Variants in ZFP69 observed in about 807,000 individuals in gnomAD.
The protein encoded by ZFP69 is zinc finger protein 69 homolog.
ZFP69 carries 35 observed loss-of-function variants against 48.9 expected under a neutral mutation model. That is an observed-to-expected ratio of 0.72 (90% CI 0.55 to 0.95). The LOEUF (loss-of-function observed/expected upper bound fraction) is 0.95, where lower values mean the gene tolerates loss of function less well. Ranked by LOEUF, ZFP69 falls within the 40% of genes least tolerant of loss-of-function variation. The pLI is 0.00. For synonymous variants in ZFP69, 193 were observed against 216.8 expected, an observed-to-expected ratio of 0.89 and a Z score of 0.96; for missense variants, 557 against 638.4, an observed-to-expected ratio of 0.87 and a Z score of 1.37.
chr1:40,495,234 C>G lies in ZFP69; in HGVS notation c.756C>G (p.Asn252Lys). 1 of 1,614,028 alleles carries G rather than the reference C, an allele frequency of 6.2e-7. No homozygotes were observed. The highest frequency in any genetic ancestry group is 8.5e-7 in the Non-Finnish European group (1 of 1,180,016). ...HHKYDTPTKR[N>K]TYKLDLINHP... ...AATATGATACACCTACAAAGCGGAA[C>G]ACATACAAATTAGATTTGATTAATC... Residue 252 changes from asparagine (N) to lysine (K), a missense_variant, in exon 6 of 6, where the codon AAC becomes AAG. Coordinates refer to ENST00000372706, the MANE Select transcript of ZFP69 (RefSeq NM_001320179.2).
Position 40,495,795 on chromosome 1 carries a change from C to T in ZFP69, c.1317C>T (p.Tyr439=), listed in dbSNP as rs1184899714. The change falls in exon 6 of 6, where the codon TAC becomes TAT. Residue 439 remains tyrosine, a synonymous_variant. Transcript: ENST00000372706. ...GAATCCATACTGGGGAGAGACCCTA[C>T]AAATGTAAAGAATGTGGAAAAGCCT... is the stretch of plus-strand genomic sequence containing the variant. ...HQRIHTGERP[Y]KCKECGKAFR... is the part of the protein sequence containing the mutation. The T allele has an allele frequency of 1.2e-6, 2 of 1,614,164 alleles. No homozygotes were observed. The highest frequency in any genetic ancestry group is 1.7e-6 in the Non-Finnish European group (2 of 1,180,010).
In ZFP69 at chr1:40,495,822, T is replaced by A; in HGVS notation, c.1344T>A (p.Phe448Leu). ...AATGTAAAGAATGTGGAAAAGCCTT[T>A]AGGCAGAGGATACACCTTAGCAACC... ...PYKCKECGKA[F>L]RQRIHLSNHK... is the part of the protein sequence containing the mutation. Residue 448 changes from phenylalanine (F) to leucine (L), a missense_variant, in exon 6 of 6, where the codon TTT (phenylalanine) becomes TTA (leucine). Phe to Leu is a conservative substitution (Grantham distance 22, BLOSUM62 0). Transcript: ENST00000372706. The A allele has an allele frequency of 6.2e-7, 1 of 1,614,204 alleles. No homozygotes were observed. Among genetic ancestry groups the A allele is most frequent in the Non-Finnish European group, 8.5e-7 (1 of 1,180,038 alleles).
rs1570047005 is a variant in ZFP69 at position 40,494,739 on chromosome 1, A to G, written c.443-182A>G. On this transcript the variant is annotated intron_variant, in intron 5 of 5. Transcript: ENST00000372706. The stretch of plus-strand genomic sequence containing the variant: ...ATATATATCAAATATATATATATAT[A>G]TAAAATGACACTTTTAACCTGTTCA... Among the ~76,000 whole-genome samples, 6 of 147,110 alleles carry G rather than the reference A, an allele frequency of 4.1e-5. No homozygotes were observed. In the South Asian group the frequency reaches 1.0e-3, roughly 26 times the overall value.
intron 3 of ZFP69, among the ~76,000 whole-genome samples, chr1:40,488,128 G>A (rs190141988): frequency 6.6e-6 from 1 of 151,800 alleles, no homozygotes; most frequent in African/African-American, 2.4e-5. Flanking sequence ...AGGCAGGAGT[G>A]CATGTGTATA....
intron 5 of ZFP69, among the ~76,000 whole-genome samples, chr1:40,492,988 TGCTGAGGCGG>T (rs1006927928): frequency 6.6e-6 from 1 of 152,130 alleles, no homozygotes; most frequent in Non-Finnish European, 1.5e-5. Flanking sequence ...CATTTTGGGA[TGCTGAGGCGG>T]GCAGATCACC....
chr1:40,479,366 C>T lies in ZFP69; in HGVS notation c.5C>T (p.Pro2Leu). The T allele has an allele frequency of 6.2e-7, 1 of 1,613,744 alleles. No individual in the cohort carries two copies. The highest frequency in any genetic ancestry group is 1.7e-5 in the Admixed American group (1 of 60,006). The change falls in exon 2 of 6, where the codon CCA becomes CTA. Residue 2 changes from proline (P) to leucine (L), a missense_variant. Transcript: ENST00000372706. ...AAGTCCAGTAAGGCAGGCATCATGC[C>T]ACAGCAGCTCCTGATCACCCTGCCT... M[P>L]QQLLITLPTE...
At chr1:40,486,925 ATTTT>A (rs557530908) in intron 3 of ZFP69, among the ~76,000 whole-genome samples, 1 of 135,404 alleles carries the variant, frequency 7.4e-6, no homozygotes, top group African/African-American at 2.7e-5. Flanking sequence ...TTTACAGTTG[ATTTT>A]TTTTTTTTTT....
chr1:40,489,209 C>T lies in ZFP69; in HGVS notation c.341C>T (p.Ser114Leu), dbSNP rs369107838. The T allele has an allele frequency of 4.3e-6, 7 of 1,613,920 alleles. No homozygotes were observed. The African/African-American group carries it at 6.7e-5, about 15-fold the overall frequency. ...VMLENYSNLV[S>L]VGYQLSKPSV... ...CTGGAGAACTACAGCAACTTGGTGT[C>T]AGTGGGTAAGACTTGGCTATCCATG... The change falls in exon 4 of 6, where the codon TCA becomes TTA. Residue 114 changes from serine to leucine, a missense_variant. Physicochemically the swap from Ser to Leu is moderately radical, Grantham distance 145. Coordinates refer to ENST00000372706, the MANE Select transcript of ZFP69 (RefSeq NM_001320179.2).
chr1:40,490,721 T>G (rs182716310), intron 5 of ZFP69: 5 of 152,388 alleles, frequency 3.3e-5, no homozygotes, highest in Admixed American at 3.3e-4. Flanking sequence ...AATGTTCATT[T>G]TACAATTCCA....
intron 5 of ZFP69, chr1:40,491,069 G>C (rs930873080): frequency 1.3e-5 from 2 of 152,144 alleles, no homozygotes; most frequent in African/African-American, 2.4e-5. Context: ...TGTAGTAAAA[G>C]CAGTCTATAT....
chr1:40,489,752 C>T, intron 5 of ZFP69, 128 bp downstream of exon 5: 1 of 627,916 alleles, frequency 1.6e-6, no homozygotes, highest in Non-Finnish European at 2.7e-6. Context: ...ATGGCACTGG[C>T]ATCTGCTCCT....
At chr1:40,494,875 A>G (rs761463572) in intron 5 of ZFP69, 46 bp from the exon 6 acceptor site, 15 of 1,523,604 alleles carry the variant, frequency 9.8e-6, no homozygotes, top group Non-Finnish European at 1.3e-5. Flanking sequence ...CTGTTCCATA[A>G]CCACTACAGT....
intron 3 of ZFP69, among the ~76,000 whole-genome samples, chr1:40,485,279 T>C (rs563525033): frequency 6.6e-6 from 1 of 152,038 alleles, no homozygotes; most frequent in African/African-American, 2.4e-5. Context: ...TCAAAGTAAC[T>C]GTGGAATGTT....
intron 2 of ZFP69, among the ~76,000 whole-genome samples, chr1:40,480,371 T>A (rs1335678345): frequency 1.3e-5 from 2 of 150,008 alleles, no homozygotes; most frequent in Non-Finnish European, 2.9e-5. Flanking sequence ...GTTCAAGCGA[T>A]TCTCCTGCCT....
At chr1:40,484,745 T>C (rs989363082) in intron 3 of ZFP69, among the ~76,000 whole-genome samples, 2 of 148,586 alleles carry the variant, frequency 1.3e-5, no homozygotes, top group Middle Eastern at 3.2e-3. Flanking sequence ...ACCCGGCTAA[T>C]TTTTTTTTTG....
In ZFP69 at chr1:40,495,599, T is replaced by G; in HGVS notation, c.1121T>G (p.Leu374Trp). ...FSQNISLVQH[L>W]RTHSGEKPFT... ...CAGAACATTAGCTTGGTTCAACATT[T>G]GAGGACTCATTCTGGAGAGAAACCT... Residue 374 changes from leucine (L) to tryptophan (W), a missense_variant, in exon 6 of 6, where the codon TTG (leucine) becomes TGG (tryptophan). Transcript: ENST00000372706. 1 of 1,614,234 alleles carries G rather than the reference T, an allele frequency of 6.2e-7. No individual in the cohort carries two copies. Among genetic ancestry groups the G allele is most frequent in the Non-Finnish European group, 8.5e-7 (1 of 1,180,036 alleles).
At position 40,494,945 on chromosome 1, in the gene ZFP69, T is replaced by C. The variant is rs371888521; in HGVS notation, c.467T>C (p.Ile156Thr). 5.3e-5 allele frequency: 86 copies of C among 1,611,438 alleles called. No homozygotes were observed. Among genetic ancestry groups the C allele is most frequent in the East Asian group, 1.6e-4 (7 of 44,828 alleles). Residue 156 changes from isoleucine to threonine, a missense_variant, in exon 6 of 6, where the codon ATT (isoleucine) becomes ACT (threonine). By Grantham distance (89) the Ile-to-Thr change is moderately conservative. Transcript: ENST00000372706. ...SSDLKSKIET[I>T]ESTAKSTISQ... ...GACTTGAAGAGTAAAATAGAAACCATTGAGTCAACTGCAAAGAGTACCATT... is the reference window on the plus strand; with the variant it reads ...GACTTGAAGAGTAAAATAGAAACCACTGAGTCAACTGCAAAGAGTACCATT...
At chr1:40,486,595 T>C (rs1645502834) in intron 3 of ZFP69, among the ~76,000 whole-genome samples, 1 of 44,816 alleles carries the variant, frequency 2.2e-5, no homozygotes, top group South Asian at 9.7e-4. Context: ...ATTTTTGTAT[T>C]TTTTTTTGTA....
At chr1:40,490,389 T>C (rs1645555099) in intron 5 of ZFP69, among the ~76,000 whole-genome samples, 1 of 152,102 alleles carries the variant, frequency 6.6e-6, no homozygotes, top group Non-Finnish European at 1.5e-5. Context: ...TAGGTCAGAG[T>C]GCTCAAAGCC....
Sources: allele counts gnomAD v4.1 joint callset (sites outside exome capture counted in the v4.1 genomes callset), GRCh38; gene constraint gnomAD v4.1.1; transcripts MANE v1.5; gene names NCBI Gene and HGNC (gene_info 2026-07-23, HGNC 2026-07-21).